DDX4: variants seen among roughly 807,000 people sequenced by gnomAD.
The protein encoded by DDX4 is DEAD-box helicase 4.
In DDX4, 25 loss-of-function variants were observed where a neutral mutation model predicts 100.0. The ratio of observed to expected loss-of-function variants is 0.25; its 90% confidence interval spans 0.18 to 0.35. DDX4 has a LOEUF of 0.35. Among genes scored for constraint, DDX4 ranks in the 10% least tolerant of loss-of-function variants. DDX4 has a pLI of 1.00. For missense variants in DDX4, 635 were observed against 882.4 expected, an observed-to-expected ratio of 0.72 and a Z score of 3.55; for synonymous variants, 259 against 275.7, an observed-to-expected ratio of 0.94 and a Z score of 0.60.
rs375693513 is a variant in DDX4, at chr5:55,806,456, G to C, written c.1616-7217G>C. 2.2e-4 allele frequency among the ~76,000 whole-genome samples: 34 copies of C among 152,190 alleles called. No homozygotes were observed. The East Asian group carries it at 6.6e-3, about 29-fold the overall frequency. ...AGATCTTTCCTGCTTTCTCTTGTGG[G>C]CATTTAGTGCTGTAAATTTCCCTCT... On this transcript the variant is annotated intron_variant, in intron 18 of 21. Transcript: ENST00000505374.
At chr5:55,790,292 A>G (rs745999841) in intron 15 of DDX4, among the ~76,000 whole-genome samples, 1 of 151,804 alleles carries the variant, frequency 6.6e-6, no homozygotes, top group African/African-American at 2.4e-5. Context: ...TTATAGGCGC[A>G]TGCTACCATG....
Position 55,813,779 on chromosome 5 carries a change from A to G in DDX4, c.1715+7A>G. 3 of 1,568,298 alleles carry G rather than the reference A, an allele frequency of 1.9e-6. No homozygotes were observed. On this transcript the variant is annotated splice_region_variant and intron_variant, in intron 19 of 21. Coordinates refer to ENST00000505374, the MANE Select transcript of DDX4 (RefSeq NM_024415.3). ...CAACTACAAGTATTCATGGGTGAGT[A>G]GATGAATATAATTACCTATTAGGGG... is the stretch of plus-strand genomic sequence containing the variant.
chr5:55,739,076 T>G (rs1474741784), intron 2 of DDX4, 44 bp downstream of exon 2: 1 of 1,204,258 alleles, frequency 8.3e-7, no homozygotes, highest in Non-Finnish European at 1.2e-6. Flanking sequence ...ACGGATTTTA[T>G]CAAAGTTGAA....
intron 2 of DDX4, among the ~76,000 whole-genome samples, chr5:55,739,444 G>A (rs1758864047): frequency 6.6e-6 from 1 of 152,170 alleles, no homozygotes. Context: ...ATACTAGGCT[G>A]ATTGAGTTGG....
chr5:55,804,536 T>C (rs1021358124), intron 18 of DDX4, among the ~76,000 whole-genome samples: 4 of 152,204 alleles, frequency 2.6e-5, no homozygotes, highest in African/African-American at 9.6e-5. Context: ...CAGCTTTCTT[T>C]TTATGGCTAG....
chr5:55,757,571 G>A (rs753539171), intron 3 of DDX4, among the ~76,000 whole-genome samples: 1 of 152,160 alleles, frequency 6.6e-6, no homozygotes, highest in African/African-American at 2.4e-5. Flanking sequence ...GCGTTTGCAA[G>A]TATCTTTTCA....
At chr5:55,795,673 T>C (rs1742887777) in intron 17 of DDX4, among the ~76,000 whole-genome samples, 1 of 152,100 alleles carries the variant, frequency 6.6e-6, no homozygotes, top group South Asian at 2.1e-4. Context: ...CTCAGGAGGC[T>C]AAAGTGGGAG....
At chr5:55,815,832 C>T (rs1451656998) in intron 21 of DDX4, among the ~76,000 whole-genome samples, 2 of 148,222 alleles carry the variant, frequency 1.3e-5, no homozygotes, top group African/African-American at 5.0e-5. Flanking sequence ...AGTGCAGTGG[C>T]ATGATCTTGG....
intron 14 of DDX4, 51 bp from the exon 15 acceptor site, chr5:55,787,795 G>A (rs1742333466): frequency 6.3e-7 from 1 of 1,582,420 alleles, no homozygotes; most frequent in South Asian, 1.2e-5. Context: ...CTTTCCATAG[G>A]GATAAAAGTG....
At chr5:55,812,290 G>A (rs567135415) in intron 18 of DDX4, among the ~76,000 whole-genome samples, 1 of 152,108 alleles carries the variant, frequency 6.6e-6, no homozygotes, top group Admixed American at 6.5e-5. Context: ...GGCCGGGCGC[G>A]GTGGTTCACG....
intron 10 of DDX4, among the ~76,000 whole-genome samples, chr5:55,782,855 G>C (rs956001295): frequency 1.3e-5 from 2 of 149,968 alleles, no homozygotes; most frequent in Non-Finnish European, 3.0e-5. Flanking sequence ...GAGTGCAGTG[G>C]TGTGATCTCG....
At chr5:55,760,556 G>A (rs1163918875) in intron 4 of DDX4, among the ~76,000 whole-genome samples, 1 of 152,086 alleles carries the variant, frequency 6.6e-6, no homozygotes, top group Non-Finnish European at 1.5e-5. Context: ...TGCTTAATGT[G>A]TTTGTGATAT....
chr5:55,809,526 T>C lies in DDX4; in HGVS notation c.1616-4147T>C, dbSNP rs534894785. ...GAAAATGAGCAGATATAATTTTTCA[T>C]ATCAAGAATATAAAGTAAATAGATT... On this transcript the variant is annotated intron_variant, in intron 18 of 21. Transcript: ENST00000505374. 5.9e-5 allele frequency among the ~76,000 whole-genome samples: 9 copies of C among 152,346 alleles called. No homozygotes were observed. In the South Asian group the frequency reaches 1.9e-3, roughly 32 times the overall value.
intron 3 of DDX4, 23 bp from the exon 4 acceptor site, chr5:55,760,177 C>G: frequency 6.4e-7 from 1 of 1,562,378 alleles, no homozygotes; most frequent in South Asian, 1.2e-5. Context: ...ATTTGACTTA[C>G]TTCAAAATGT....
chr5:55,810,030 T>C (rs1744025634), intron 18 of DDX4, among the ~76,000 whole-genome samples: 1 of 151,452 alleles, frequency 6.6e-6, no homozygotes, highest in African/African-American at 2.4e-5. Flanking sequence ...CCGTAAAGCA[T>C]ACACACACAC....
chr5:55,770,617 G>T (rs138113301), intron 7 of DDX4, among the ~76,000 whole-genome samples: 2 of 152,076 alleles, frequency 1.3e-5, no homozygotes, highest in Non-Finnish European at 2.9e-5. Context: ...TGTTTTTACC[G>T]CACCTTGGAG....
At chr5:55,807,989 C>A (rs907009935) in intron 18 of DDX4, among the ~76,000 whole-genome samples, 1 of 152,108 alleles carries the variant, frequency 6.6e-6, no homozygotes, top group African/African-American at 2.4e-5. Context: ...TCACATAGTC[C>A]CATATTTCTT....
At chr5:55,811,084 C>T (rs1262730649) in intron 18 of DDX4, among the ~76,000 whole-genome samples, 2 of 148,574 alleles carry the variant, frequency 1.3e-5, no homozygotes, top group Non-Finnish European at 3.0e-5. Flanking sequence ...AGGCTGATTA[C>T]AAGGAAGGTA....
chr5:55,771,719 TA>T (rs1741263739), intron 7 of DDX4, among the ~76,000 whole-genome samples: 1 of 152,226 alleles, frequency 6.6e-6, no homozygotes. Context: ...TCTCTCCTTT[TA>T]ACCATTCTGC....
Sources: allele counts gnomAD v4.1 joint callset (sites outside exome capture counted in the v4.1 genomes callset), GRCh38; gene constraint gnomAD v4.1.1; transcripts MANE v1.5; gene names NCBI Gene and HGNC (gene_info 2026-07-23, HGNC 2026-07-21).